The following GABRA3 variants were observed in gnomAD, a reference collection of about 807,000 sequenced individuals.
The protein encoded by GABRA3 is gamma-aminobutyric acid type A receptor subunit alpha3, also known as gamma-aminobutyric acid receptor subunit alpha-3.
In GABRA3, 10 loss-of-function variants were observed where a neutral mutation model predicts 30.1. The ratio of observed to expected loss-of-function variants is 0.33; its 90% confidence interval spans 0.20 to 0.56. The LOEUF (loss-of-function observed/expected upper bound fraction) is 0.56. GABRA3 is among the 20% of genes least tolerant of loss of function. GABRA3 has a pLI of 0.89. For synonymous variants in GABRA3, 151 were observed against 146.8 expected (o/e 1.03, Z -0.21); for missense variants, 233 against 392.0 (o/e 0.59, Z 3.42).
At chrX:152,406,097 C>A (rs1256029723) in intron 1 of GABRA3, among the ~76,000 whole-genome samples, 1 of 109,635 alleles carries the variant, frequency 9.1e-6, no homozygotes, top group Non-Finnish European at 1.9e-5. Context: ...ACATCATTCC[C>A]GAGTTTAGTG....
At chrX:152,374,429 C>G (rs1928940897) in intron 1 of GABRA3, among the ~76,000 whole-genome samples, 1 of 100,306 alleles carries the variant, frequency 1.0e-5, no homozygotes, top group Non-Finnish European at 2.0e-5. Context: ...CCACTCACTG[C>G]AAGCTCCACC....
At chrX:152,422,450 A>AT (rs762814959) in intron 1 of GABRA3, among the ~76,000 whole-genome samples, 18 of 108,594 alleles carry the variant, frequency 1.7e-4, no homozygotes, top group African/African-American at 4.6e-4. Context: ...TGGTGTGTTA[A>AT]TTTTTTTTTT....
intron 6 of GABRA3, among the ~76,000 whole-genome samples, chrX:152,217,640 A>G (rs1937752700): frequency 9.0e-6 from 1 of 111,165 alleles, no homozygotes; most frequent in African/African-American, 3.3e-5. Context: ...TTACTAATGT[A>G]ACCTATTTAC....
At chrX:152,225,430 ACG>A (rs751924258) in intron 5 of GABRA3, among the ~76,000 whole-genome samples, 50 of 20,542 alleles carry the variant, frequency 2.4e-3, no homozygotes, top group Admixed American at 4.8e-3. Context: ...ACACACACAC[ACG>A]CACACACACA....
intron 4 of GABRA3, among the ~76,000 whole-genome samples, chrX:152,258,825 C>T (rs1269622171): frequency 9.0e-6 from 1 of 111,293 alleles, no homozygotes; most frequent in African/African-American, 3.3e-5. Context: ...ATAGAAGGCT[C>T]CACTGATTGT....
intron 4 of GABRA3, among the ~76,000 whole-genome samples, chrX:152,263,054 G>A (rs1938759520): frequency 9.0e-6 from 1 of 111,116 alleles, no homozygotes; most frequent in African/African-American, 3.3e-5. Context: ...GCAAAAGGGG[G>A]AAAAGCCCCT....
intron 7 of GABRA3, among the ~76,000 whole-genome samples, chrX:152,199,114 C>A (rs776612158): frequency 9.9e-5 from 11 of 111,390 alleles, no homozygotes; most frequent in Non-Finnish European, 2.1e-4. Flanking sequence ...TGCCTGTAAT[C>A]CCAGCACTTT....
chrX:152,291,650 G>C (rs1203859306), intron 3 of GABRA3, among the ~76,000 whole-genome samples: 1 of 111,508 alleles, frequency 9.0e-6, no homozygotes, highest in Non-Finnish European at 1.9e-5. Context: ...CTGTGGGTTT[G>C]TCATAAATAG....
intron 1 of GABRA3, among the ~76,000 whole-genome samples, chrX:152,450,497 T>C (rs753703138): frequency 1.5e-4 from 16 of 108,151 alleles, no homozygotes; most frequent in African/African-American, 5.4e-4. Context: ...CTCCCAAGTT[T>C]GTGGAGGAAG....
intron 4 of GABRA3, among the ~76,000 whole-genome samples, chrX:152,257,884 T>C (rs1011421108): frequency 8.9e-6 from 1 of 112,289 alleles, no homozygotes; most frequent in Non-Finnish European, 1.9e-5. Context: ...TCCGAATATA[T>C]ACTGTCTGCC....
chrX:152,326,652 G>A (rs1275713548), intron 3 of GABRA3, among the ~76,000 whole-genome samples: 1 of 111,389 alleles, frequency 9.0e-6, no homozygotes, highest in Non-Finnish European at 1.9e-5. Context: ...ACAAGCAAAT[G>A]CTGAGAGATT....
intron 1 of GABRA3, among the ~76,000 whole-genome samples, chrX:152,408,639 A>G (rs1217420752): frequency 2.7e-5 from 3 of 111,202 alleles, no homozygotes; most frequent in Non-Finnish European, 5.7e-5. Context: ...TTCTATGCAA[A>G]GCAATCCACA....
intron 7 of GABRA3, among the ~76,000 whole-genome samples, chrX:152,201,506 C>T (rs781767079): frequency 8.9e-6 from 1 of 112,013 alleles, no homozygotes; most frequent in South Asian, 3.7e-4. Flanking sequence ...CCCTCCTTGC[C>T]CCTATTGCTG....
chrX:152,267,639 G>C (rs113151928), intron 4 of GABRA3, among the ~76,000 whole-genome samples: 2 of 110,867 alleles, frequency 1.8e-5, no homozygotes, highest in East Asian at 5.6e-4. Flanking sequence ...TCAGGTCCTG[G>C]GTTTTATTTG....
chrX:152,238,306 T>A (rs36060751), intron 5 of GABRA3, among the ~76,000 whole-genome samples: 3 of 89,250 alleles, frequency 3.4e-5, no homozygotes, highest in Non-Finnish European at 4.1e-5. Context: ...TATTGATTTG[T>A]GTATATTGAA....
At chrX:152,293,253 T>A (rs751711176) in intron 3 of GABRA3, among the ~76,000 whole-genome samples, 1 of 111,814 alleles carries the variant, frequency 8.9e-6, no homozygotes, top group African/African-American at 3.3e-5. Flanking sequence ...GGTGCATATA[T>A]ATTTAGGATA....
At chrX:152,322,536 CTTT>C (rs751861869) in intron 3 of GABRA3, among the ~76,000 whole-genome samples, 1 of 101,069 alleles carries the variant, frequency 9.9e-6, no homozygotes. Flanking sequence ...AAAGTCAACT[CTTT>C]TTTTTTTTTT....
intron 3 of GABRA3, among the ~76,000 whole-genome samples, chrX:152,311,216 G>A (rs978594355): frequency 9.0e-6 from 1 of 111,328 alleles, no homozygotes; most frequent in Non-Finnish European, 1.9e-5. Context: ...TATGAAGCCA[G>A]TATCATTCTG....
intron 2 of GABRA3, among the ~76,000 whole-genome samples, chrX:152,346,646 A>T (rs953816977): frequency 1.8e-5 from 2 of 112,462 alleles, no homozygotes; most frequent in African/African-American, 6.5e-5. Flanking sequence ...CTCTGTAGGA[A>T]AAAGTATAAT....
Sources: allele counts gnomAD v4.1 joint callset (sites outside exome capture counted in the v4.1 genomes callset), GRCh38; gene constraint gnomAD v4.1.1; transcripts MANE v1.5; gene names NCBI Gene and HGNC (gene_info 2026-07-23, HGNC 2026-07-21).